The following HBS1L variants were observed in gnomAD, a reference collection of about 807,000 sequenced individuals.
HBS1L encodes HBS1-like protein.
In HBS1L, 55 loss-of-function variants were observed where a neutral mutation model predicts 88.9. The observed-to-expected ratio is 0.62, with a 90% CI of 0.50 to 0.77. The LOEUF is 0.77. HBS1L is among the 30% of genes least tolerant of loss of function. HBS1L has a pLI of 0.00. For missense variants in HBS1L, 741 were observed against 829.3 expected (o/e 0.89, Z 1.31); for synonymous variants, 267 against 288.5 (o/e 0.93, Z 0.76).
Position 134,960,814 on chromosome 6 carries a change from G to A in HBS1L, c.*4465C>T, listed in dbSNP as rs1774169134. ...TAATTATAGATATGTCATGTTAAATGAGTATATGAAAATTGCTTGGCACAT... is the reference window on the plus strand; with the variant it reads ...TAATTATAGATATGTCATGTTAAATAAGTATATGAAAATTGCTTGGCACAT... On this transcript the variant is annotated 3_prime_UTR_variant, in exon 18 of 18. Coordinates refer to ENST00000367837, the MANE Select transcript of HBS1L (RefSeq NM_006620.4). The A allele has an allele frequency of 6.6e-6, 1 of 152,118 alleles. No homozygotes were observed. The highest frequency in any genetic ancestry group is 1.9e-4 in the East Asian group (1 of 5,198). The allele number at this position is 152,118 out of a possible 1,614,324, so 9.4% of individuals were successfully genotyped here.
chr6:135,028,196 A>C (rs564526810), intron 4 of HBS1L, among the ~76,000 whole-genome samples: 1 of 152,154 alleles, frequency 6.6e-6, no homozygotes, highest in Non-Finnish European at 1.5e-5. Context: ...TAATGAATTA[A>C]ACCAGGAGAA....
chr6:134,984,351 G>GAT lies in HBS1L; in HGVS notation c.1492+988_1492+989dup, dbSNP rs1256824265. 2.0e-5 allele frequency among the ~76,000 whole-genome samples: 3 copies of GAT among 152,172 alleles called. No individual in the cohort carries two copies. In the East Asian group the frequency reaches 5.8e-4, roughly 29 times the overall value. On this transcript the variant is annotated intron_variant, in intron 12 of 17. Coordinates refer to ENST00000367837, the MANE Select transcript of HBS1L (RefSeq NM_006620.4). The stretch of plus-strand genomic sequence containing the variant: ...TGCCAGGCACTGGGCTAGGGCCGCA[G>GAT]ATATAGATAAAGAAGAGATAGTACT...
intron 10 of HBS1L, 104 bp downstream of exon 10, chr6:134,986,632 G>A (rs909732875): frequency 4.1e-6 from 2 of 486,126 alleles, no homozygotes; most frequent in African/African-American, 4.1e-5. Flanking sequence ...AAAGCAAAGA[G>A]AATTAAATAA....
chr6:135,041,853 TAAAACA>T (rs1776747219), intron 3 of HBS1L, 142 bp downstream of exon 3: 2 of 618,116 alleles, frequency 3.2e-6, no homozygotes, highest in Non-Finnish European at 5.2e-6. Flanking sequence ...ACATACTTAA[TAAAACA>T]TAAACTGTCC....
rs1365781587 is a variant in HBS1L, at chr6:135,035,874, T to C, written c.430+3699A>G. The C allele has an allele frequency of 1.5e-5, 11 of 740,874 alleles. 1 individual carries two copies. The Admixed American group carries it at 5.0e-4, about 34-fold the overall frequency. The allele number at this position is 740,874 out of a possible 1,614,324, so 45.9% of individuals were successfully genotyped here. A position where few individuals can be genotyped will look rare whatever the true frequency, so the allele number is the denominator to read the frequency against. ...CAACCATACTTGAAAACACTTTTTATATATTTATTTTAAAGTGTATACTTA... is the reference window on the plus strand; with the variant it reads ...CAACCATACTTGAAAACACTTTTTACATATTTATTTTAAAGTGTATACTTA... On this transcript the variant is annotated intron_variant, in intron 4 of 17. Transcript: ENST00000367837.
In HBS1L at chr6:134,978,648, A is replaced by G. The variant is rs746744824; in HGVS notation, c.1797+31T>C. The G allele has an allele frequency of 6.6e-6, 8 of 1,204,918 alleles. No individual in the cohort carries two copies. In the South Asian group the frequency reaches 9.5e-5, roughly 14 times the overall value. 74.6% of individuals were successfully genotyped at this position (1,204,918 alleles called of 1,614,324 possible). A position where few individuals can be genotyped will look rare whatever the true frequency, so the allele number is the denominator to read the frequency against. ...GATAAAGTTACTTTGAATTTATAAAAACAGGAATAATAAAACATTTTGGAA... is the reference window on the plus strand; with the variant it reads ...GATAAAGTTACTTTGAATTTATAAAGACAGGAATAATAAAACATTTTGGAA... On this transcript the variant is annotated intron_variant, in intron 15 of 17. Transcript: ENST00000367837.
At chr6:135,040,053 T>C (rs1316107112) in intron 3 of HBS1L, among the ~76,000 whole-genome samples, 1 of 152,264 alleles carries the variant, frequency 6.6e-6, no homozygotes, top group Non-Finnish European at 1.5e-5. Flanking sequence ...CACTAATATC[T>C]ATTTTCAGTC....
At chr6:134,997,188 A>G (rs1775313910) in intron 6 of HBS1L, among the ~76,000 whole-genome samples, 1 of 152,220 alleles carries the variant, frequency 6.6e-6, no homozygotes, top group Non-Finnish European at 1.5e-5. Context: ...AATGTTCACA[A>G]AATGAAAAAT....
At chr6:134,992,360 T>C (rs1775164258) in intron 8 of HBS1L, among the ~76,000 whole-genome samples, 1 of 152,190 alleles carries the variant, frequency 6.6e-6, no homozygotes, top group Admixed American at 6.5e-5. Context: ...GGTGATGTCA[T>C]AGTCGCCATA....
At chr6:135,038,118 A>T (rs780669477) in intron 4 of HBS1L, 2 of 943,920 alleles carry the variant, frequency 2.1e-6, no homozygotes, top group South Asian at 3.9e-5. Flanking sequence ...GAAATGAGGC[A>T]TTTAATTACT....
At chr6:134,979,133 T>A (rs1304865066) in intron 14 of HBS1L, 45 bp downstream of exon 14, 10 of 1,357,568 alleles carry the variant, frequency 7.4e-6, no homozygotes, top group Non-Finnish European at 1.1e-5. Flanking sequence ...AGAGGTGAGG[T>A]CCTATATGAA....
chr6:135,031,772 A>G (rs1056127164), intron 4 of HBS1L, among the ~76,000 whole-genome samples: 6 of 151,886 alleles, frequency 4.0e-5, no homozygotes, highest in Non-Finnish European at 5.9e-5. Flanking sequence ...TCCTTCACTC[A>G]TCCAATATAA....
At chr6:134,994,405 A>G (rs1232949230) in intron 7 of HBS1L, among the ~76,000 whole-genome samples, 1 of 152,120 alleles carries the variant, frequency 6.6e-6, no homozygotes, top group Non-Finnish European at 1.5e-5. Flanking sequence ...TGAACAGCAG[A>G]TTGCTTTGTA....
chr6:135,038,921 G>C (rs368720948), intron 4 of HBS1L, among the ~76,000 whole-genome samples: 3 of 152,022 alleles, frequency 2.0e-5, no homozygotes, highest in East Asian at 3.9e-4. Flanking sequence ...TCTCATCAGA[G>C]TTTAAAAAAA....
intron 7 of HBS1L, among the ~76,000 whole-genome samples, chr6:134,995,439 C>G (rs1445496228): frequency 6.6e-6 from 1 of 151,930 alleles, no homozygotes; most frequent in Non-Finnish European, 1.5e-5. Context: ...CAATAAAAAA[C>G]TAGCAGCAGC....
intron 4 of HBS1L, among the ~76,000 whole-genome samples, chr6:135,030,141 G>C (rs905862126): frequency 3.3e-5 from 5 of 152,166 alleles, no homozygotes; most frequent in African/African-American, 1.2e-4. Context: ...ACATGGAAGA[G>C]GGGTGGAGGG....
chr6:135,032,051 T>C, intron 4 of HBS1L, among the ~76,000 whole-genome samples: 1 of 151,924 alleles, frequency 6.6e-6, no homozygotes, highest in Non-Finnish European at 1.5e-5. Flanking sequence ...AGAGTGTTTC[T>C]ATGTGAGTCC....
At position 135,039,576 on chromosome 6, in the gene HBS1L, T is replaced by C. The variant is rs774482037; in HGVS notation, c.427A>G (p.Lys143Glu). The C allele has an allele frequency of 2.5e-6, 4 of 1,613,018 alleles. No individual in the cohort carries two copies. Among genetic ancestry groups the C allele is most frequent in the Non-Finnish European group, 3.4e-6 (4 of 1,179,442 alleles). ...AAAAGAACAAGTAAAGGCATACCTT[T>C]TGCTATCTTTCCTGTAGATACTGTT... ...EATVSTGKIA[K>E]GKPVDSQTSR... The change falls in exon 4 of 18, where the codon AAA (lysine) becomes GAA (glutamate). Residue 143 changes from lysine to glutamate, a missense_variant. By Grantham distance (56) the Lys-to-Glu change is moderately conservative (BLOSUM62 1). Coordinates refer to ENST00000367837, the MANE Select transcript of HBS1L (RefSeq NM_006620.4).
intron 4 of HBS1L, among the ~76,000 whole-genome samples, chr6:135,027,418 A>T (rs991756659): frequency 6.6e-6 from 1 of 152,050 alleles, no homozygotes; most frequent in Non-Finnish European, 1.5e-5. Context: ...CAGCAACCAA[A>T]ATTCTAAAAC....
Sources: gnomAD v4.1 joint callset for allele counts (sites outside exome capture counted in the v4.1 genomes callset) on GRCh38, gnomAD v4.1.1 for gene constraint, MANE v1.5 for transcripts, NCBI Gene and HGNC (gene_info 2026-07-23, HGNC 2026-07-21) for gene names.